The following RNF170 variants were observed in gnomAD, a reference collection of about 807,000 sequenced individuals.
The protein encoded by RNF170 is E3 ubiquitin-protein ligase RNF170.
RNF170 carries 12 observed loss-of-function variants against 32.7 expected under a neutral mutation model. The ratio of observed to expected loss-of-function variants is 0.37; its 90% CI spans 0.24 to 0.60. RNF170 has a LOEUF of 0.60. RNF170 is among the 20% of genes least tolerant of loss of function. The probability of loss-of-function intolerance (pLI) is 0.72; values close to 1 mark genes in which losing one functional copy is unlikely to be tolerated. For missense variants in RNF170, 212 were observed against 311.2 expected (o/e 0.68, Z 2.40); for synonymous variants, 91 against 103.6 (o/e 0.88, Z 0.74).
At chr8:42,889,443 A>G (rs1395403678) in intron 1 of RNF170, 3 of 152,182 alleles carry the variant, frequency 2.0e-5, no homozygotes, top group African/African-American at 7.2e-5. Flanking sequence ...ATATATATTC[A>G]ATTAAATATA....
chr8:42,850,297 G>A (rs768533492), downstream of RNF170: 21 of 179,386 alleles, frequency 1.2e-4, no homozygotes, highest in Non-Finnish European at 2.0e-4. Flanking sequence ...GTGGGAAAGG[G>A]AGAGCAGGCT....
chr8:42,882,520 G>T (rs894734229), intron 2 of RNF170, among the ~76,000 whole-genome samples: 1 of 152,226 alleles, frequency 6.6e-6, no homozygotes, highest in South Asian at 2.1e-4. Context: ...CATACCCAAT[G>T]AAATATTATT....
chr8:42,877,459 T>C (rs897480986), intron 2 of RNF170, among the ~76,000 whole-genome samples: 38 of 152,142 alleles, frequency 2.5e-4, no homozygotes, highest in African/African-American at 9.2e-4. Context: ...GGATTACAGG[T>C]GTGAGCCACC....
At chr8:42,859,138 T>A (rs1437951878) in intron 6 of RNF170, among the ~76,000 whole-genome samples, 1 of 151,000 alleles carries the variant, frequency 6.6e-6, no homozygotes, top group East Asian at 2.0e-4. Flanking sequence ...GAGCCAAGAT[T>A]GCACCACCGC....
upstream of RNF170, chr8:42,897,070 C>T: frequency 8.3e-7 from 1 of 1,204,978 alleles, no homozygotes; most frequent in Non-Finnish European, 1.0e-6. Context: ...CCCCGGATCC[C>T]CCGACAGAGC....
chr8:42,886,680 G>A (rs1404856463), intron 2 of RNF170, among the ~76,000 whole-genome samples: 1 of 152,058 alleles, frequency 6.6e-6, no homozygotes, highest in Non-Finnish European at 1.5e-5. Flanking sequence ...GCCTGCCTCA[G>A]CCTCCCAAGG....
chr8:42,874,449 G>A (rs1159725237), intron 2 of RNF170, among the ~76,000 whole-genome samples: 2 of 152,084 alleles, frequency 1.3e-5, no homozygotes, highest in Non-Finnish European at 2.9e-5. Flanking sequence ...ATGTAGAAAA[G>A]CCAAAACTTG....
At chr8:42,890,423 G>GC (rs956239299) in intron 1 of RNF170, among the ~76,000 whole-genome samples, 12 of 151,406 alleles carry the variant, frequency 7.9e-5, no homozygotes, top group Non-Finnish European at 1.2e-4. Flanking sequence ...GACTACAGGC[G>GC]CCCCCCACCA....
At chr8:42,883,306 A>T (rs1195913939) in intron 2 of RNF170, among the ~76,000 whole-genome samples, 1 of 152,152 alleles carries the variant, frequency 6.6e-6, no homozygotes, top group Admixed American at 6.6e-5. Flanking sequence ...TTTAAAAATA[A>T]AAAAATAAAG....
downstream of RNF170, among the ~76,000 whole-genome samples, chr8:42,852,953 A>C (rs1802980325): frequency 6.9e-6 from 1 of 145,534 alleles, no homozygotes; most frequent in South Asian, 2.1e-4. Flanking sequence ...ATGTATCTAC[A>C]AACTTTTTTT....
intron 6 of RNF170, among the ~76,000 whole-genome samples, chr8:42,858,357 G>T (rs549711960): frequency 5.3e-5 from 8 of 152,282 alleles, no homozygotes; most frequent in African/African-American, 1.9e-4. Flanking sequence ...ATGAGCACAT[G>T]TCTGTTTAAC....
Position 42,854,260 on chromosome 8 carries a change from A to G in RNF170, c.*1899T>C, listed in dbSNP as rs1191118720. On this transcript the variant is annotated 3_prime_UTR_variant, in exon 7 of 7. Transcript: ENST00000527424. ...TAGCACGAAAGACTTCCAAAGAACC[A>G]GTTTCTCTCTTGCTGTTCCTCTTAA... 3 of 1,287,224 alleles carry G rather than the reference A, an allele frequency of 2.3e-6. No homozygotes were observed. The highest frequency in any genetic ancestry group is 2.0e-6 in the Non-Finnish European group (2 of 988,688). 79.7% of individuals were successfully genotyped at this position (1,287,224 alleles called of 1,614,324 possible). A position where few individuals can be genotyped will look rare whatever the true frequency, so the allele number is the denominator to read the frequency against.
At chr8:42,883,180 A>T (rs1805549687) in intron 2 of RNF170, among the ~76,000 whole-genome samples, 1 of 152,132 alleles carries the variant, frequency 6.6e-6, no homozygotes, top group African/African-American at 2.4e-5. Flanking sequence ...CAAGGGTTGA[A>T]ATACTACCTA....
At chr8:42,887,613 C>A in intron 2 of RNF170, 115 bp downstream of exon 2, 1 of 973,156 alleles carries the variant, frequency 1.0e-6, no homozygotes, top group East Asian at 2.4e-5. Context: ...TAGTAAACAT[C>A]TACAATCACT....
chr8:42,859,207 A>G (rs1237223310), intron 6 of RNF170, among the ~76,000 whole-genome samples: 1 of 152,142 alleles, frequency 6.6e-6, no homozygotes, highest in Non-Finnish European at 1.5e-5. Context: ...CAAGAGCATC[A>G]TGGTCTCATT....
chr8:42,876,294 T>C (rs1393821808), intron 2 of RNF170, among the ~76,000 whole-genome samples: 1 of 151,738 alleles, frequency 6.6e-6, no homozygotes, highest in Non-Finnish European at 1.5e-5. Flanking sequence ...AATTCCTACA[T>C]CTTGTTGTGA....
intron 2 of RNF170, among the ~76,000 whole-genome samples, chr8:42,883,675 T>C (rs1040645335): frequency 6.7e-6 from 1 of 149,518 alleles, no homozygotes; most frequent in Admixed American, 6.7e-5. Context: ...AGACCAGGAG[T>C]TCAAGACCAG....
chr8:42,867,846 C>G (rs1414445324), intron 4 of RNF170, among the ~76,000 whole-genome samples: 1 of 136,332 alleles, frequency 7.3e-6, no homozygotes, highest in Non-Finnish European at 1.6e-5. Flanking sequence ...GCATTAGAAA[C>G]TAACTTGTAG....
At chr8:42,894,844 G>A (rs1401719559) in intron 1 of RNF170, among the ~76,000 whole-genome samples, 1 of 152,078 alleles carries the variant, frequency 6.6e-6, no homozygotes, top group Non-Finnish European at 1.5e-5. Flanking sequence ...GCGAGACACC[G>A]CGCCTGGCCA....
Sources: gnomAD v4.1 joint callset for allele counts (sites outside exome capture counted in the v4.1 genomes callset) on GRCh38, gnomAD v4.1.1 for gene constraint, MANE v1.5 for transcripts, NCBI Gene and HGNC (gene_info 2026-07-23, HGNC 2026-07-21) for gene names.